Variants in RAB2B observed in about 807,000 individuals in gnomAD.
RAB2B encodes the protein ras-related protein Rab-2B.
RAB2B carries 20 observed loss-of-function variants against 29.8 expected under a neutral mutation model. That is an observed-to-expected ratio of 0.67 (90% CI 0.47 to 0.97). The LOEUF (loss-of-function observed/expected upper bound fraction) is 0.97. Among genes scored for constraint, RAB2B ranks in the 50% least tolerant of loss-of-function variants. The pLI, the probability that RAB2B is intolerant of heterozygous loss-of-function variation, is 0.00. For synonymous variants in RAB2B, 93 were observed against 91.7 expected (o/e 1.01, Z -0.08); for missense variants, 218 against 272.0 (o/e 0.80, Z 1.40).
At chr14:21,467,856 A>C (rs1176680524) in intron 5 of RAB2B, among the ~76,000 whole-genome samples, 1 of 152,244 alleles carries the variant, frequency 6.6e-6, no homozygotes, top group African/African-American at 2.4e-5. Context: ...ATATGCATAC[A>C]ATGAATATTA....
At chr14:21,461,690 C>A (rs985607557) in intron 7 of RAB2B, among the ~76,000 whole-genome samples, 1 of 152,120 alleles carries the variant, frequency 6.6e-6, no homozygotes, top group Non-Finnish European at 1.5e-5. Context: ...CTCAAGTGAT[C>A]CTGCCTCAGC....
chr14:21,475,017 G>GA, intron 2 of RAB2B, 83 bp from the exon 3 acceptor site: 1 of 1,038,304 alleles, frequency 9.6e-7, no homozygotes, highest in South Asian at 1.3e-5. Context: ...TTTCCTCAAT[G>GA]TGTTATAACC....
rs35535249 is a variant in RAB2B, at chr14:21,472,140, G to GA, written c.186+2726dup. On this transcript the variant is annotated intron_variant, in intron 3 of 7. Coordinates refer to ENST00000397762, the MANE Select transcript of RAB2B (RefSeq NM_032846.4). ...TCCTTCCAATGAACGGTTTATTAAG[G>GA]AAAAAAAAATTTTAATTGCATTCCA... 5.3e-5 allele frequency among the ~76,000 whole-genome samples: 8 copies of GA among 151,024 alleles called. No individual in the cohort carries two copies. In the South Asian group the frequency reaches 1.7e-3, roughly 32 times the overall value.
intron 3 of RAB2B, among the ~76,000 whole-genome samples, chr14:21,471,615 CAAAA>C (rs71419137): frequency 1.6e-5 from 1 of 64,358 alleles, no homozygotes; most frequent in Non-Finnish European, 3.0e-5. Context: ...AAGACCCTGT[CAAAA>C]AAAAAAAAAA....
chr14:21,472,590 C>A (rs753368979), intron 3 of RAB2B, among the ~76,000 whole-genome samples: 6 of 152,114 alleles, frequency 3.9e-5, no homozygotes, highest in Admixed American at 6.6e-5. Flanking sequence ...CCACAGTGTT[C>A]TGAAACTGGT....
chr14:21,463,408 A>T (rs1490461456), intron 6 of RAB2B, among the ~76,000 whole-genome samples: 1 of 151,870 alleles, frequency 6.6e-6, no homozygotes, highest in Non-Finnish European at 1.5e-5. Flanking sequence ...CGCCATGACC[A>T]GCTAGTTTTT....
chr14:21,461,348 G>T, intron 7 of RAB2B, 45 bp from the exon 8 acceptor site: 3 of 1,377,920 alleles, frequency 2.2e-6, no homozygotes, highest in Non-Finnish European at 1.0e-6. Flanking sequence ...GTGTTAAAGT[G>T]AATGAGAGAC....
rs142860228 is a variant in RAB2B, at chr14:21,464,142, C to T, written c.363-375G>A. Among the ~76,000 whole-genome samples, 7 of 152,306 alleles carry T rather than the reference C, an allele frequency of 4.6e-5. No individual in the cohort carries two copies. The East Asian group carries it at 1.3e-3, about 29-fold the overall frequency. On this transcript the variant is annotated intron_variant, in intron 5 of 7. Transcript: ENST00000397762. Reference sequence around the variant, plus strand: ...CTTGGCTGGGCACAGTGGCTCATGCCTGTAATCCCAGCTCTTTGGGATGCC... The same window carrying T: ...CTTGGCTGGGCACAGTGGCTCATGCTTGTAATCCCAGCTCTTTGGGATGCC...
intron 1 of RAB2B, 84 bp from the exon 2 acceptor site, chr14:21,476,683 C>G (rs1163417190): frequency 6.2e-7 from 1 of 1,611,226 alleles, no homozygotes; most frequent in African/African-American, 1.3e-5. Context: ...AGAAGGGGGG[C>G]TCCCGAGCCC....
At chr14:21,465,435 C>T (rs1890664294) in intron 5 of RAB2B, among the ~76,000 whole-genome samples, 1 of 152,230 alleles carries the variant, frequency 6.6e-6, no homozygotes, top group South Asian at 2.1e-4. Flanking sequence ...ACCCTTTGCT[C>T]CCTACTCCAA....
At chr14:21,465,756 G>A (rs1890671243) in intron 5 of RAB2B, among the ~76,000 whole-genome samples, 1 of 152,020 alleles carries the variant, frequency 6.6e-6, no homozygotes, top group South Asian at 2.1e-4. Flanking sequence ...AGGCCTCTAA[G>A]GTGCTATAAA....
At chr14:21,473,821 G>C (rs1890878763) in intron 3 of RAB2B, among the ~76,000 whole-genome samples, 1 of 152,014 alleles carries the variant, frequency 6.6e-6, no homozygotes, top group African/African-American at 2.4e-5. Context: ...GACCATGCTG[G>C]CTAACACGGT....
rs572831058 is a variant in RAB2B, at chr14:21,460,205, G to T, written c.*991C>A. The T allele has an allele frequency of 1.9e-6, 1 of 518,894 alleles. No individual in the cohort carries two copies. The highest frequency in any genetic ancestry group is 1.4e-5 in the South Asian group (1 of 71,586). 32.1% of individuals were successfully genotyped at this position (518,894 alleles called of 1,614,324 possible). The stretch of plus-strand genomic sequence containing the variant: ...GAGGCAGAGGATCTATCAACCAAAG[G>T]CCAACTAGATCTAGGTAATTGCAAG... On this transcript the variant is annotated 3_prime_UTR_variant, in exon 8 of 8. Coordinates refer to ENST00000397762, the MANE Select transcript of RAB2B (RefSeq NM_032846.4).
chr14:21,470,629 T>C (rs1890786238), intron 3 of RAB2B, among the ~76,000 whole-genome samples: 1 of 152,212 alleles, frequency 6.6e-6, no homozygotes, highest in South Asian at 2.1e-4. Flanking sequence ...CTTACAGTTT[T>C]ATATTTACTC....
chr14:21,473,498 G>T (rs559071686), intron 3 of RAB2B, among the ~76,000 whole-genome samples: 48 of 152,348 alleles, frequency 3.2e-4, no homozygotes, highest in African/African-American at 9.4e-4. Context: ...TATCAAATTT[G>T]AAAATATGTA....
chr14:21,465,896 C>A (rs1182036385), intron 5 of RAB2B, among the ~76,000 whole-genome samples: 2 of 150,136 alleles, frequency 1.3e-5, no homozygotes, highest in African/African-American at 4.9e-5. Flanking sequence ...ATAGTTTGTT[C>A]CCCCCAAGTA....
At chr14:21,471,048 C>T (rs1890800494) in intron 3 of RAB2B, among the ~76,000 whole-genome samples, 1 of 150,948 alleles carries the variant, frequency 6.6e-6, no homozygotes, top group African/African-American at 2.4e-5. Context: ...TGGCGCACGC[C>T]TGTAATCCCA....
In RAB2B at chr14:21,459,589, C is replaced by T. The variant is rs1304261162; in HGVS notation, c.*1607G>A. 6.6e-6 allele frequency: 1 copy of T among 152,106 alleles called. No individual in the cohort carries two copies. The allele number at this position is 152,106 out of a possible 1,614,324, so 9.4% of individuals were successfully genotyped here. On this transcript the variant is annotated 3_prime_UTR_variant, in exon 8 of 8. Coordinates refer to ENST00000397762, the MANE Select transcript of RAB2B (RefSeq NM_032846.4). Reference sequence around the variant, plus strand: ...CAACTTATACGGAAAGACAAGATTCCACACAAAAACAACTGCAAACCATAT... The same window carrying T: ...CAACTTATACGGAAAGACAAGATTCTACACAAAAACAACTGCAAACCATAT...
chr14:21,472,934 G>A (rs1890854476), intron 3 of RAB2B, among the ~76,000 whole-genome samples: 1 of 152,122 alleles, frequency 6.6e-6, no homozygotes, highest in African/African-American at 2.4e-5. Flanking sequence ...GCTCAGGCCT[G>A]TAATCCCAAC....
Sources: allele counts gnomAD v4.1 joint callset (sites outside exome capture counted in the v4.1 genomes callset), GRCh38; gene constraint gnomAD v4.1.1; transcripts MANE v1.5; gene names NCBI Gene and HGNC (gene_info 2026-07-23, HGNC 2026-07-21).